The following METTL26 variants were observed in gnomAD, a reference collection of about 807,000 sequenced individuals.
METTL26 encodes methyltransferase-like 26.
Under a neutral mutation model 24.7 loss-of-function variants are expected in METTL26, and 28 were observed. That is an observed-to-expected ratio of 1.13 (90% confidence interval 0.84 to 1.55). The LOEUF (loss-of-function observed/expected upper bound fraction) is 1.55. Ranked by LOEUF, METTL26 falls within the 40% of genes most tolerant of loss-of-function variation. The probability of loss-of-function intolerance (pLI) is 0.00; values close to 1 mark genes in which losing one functional copy is unlikely to be tolerated. For synonymous variants in METTL26, 165 were observed against 125.2 expected (o/e 1.32, Z -2.12); for missense variants, 344 against 281.2 (o/e 1.22, Z -1.60).
chr16:635,249 G>A (rs1430523085), intron 3 of METTL26, 32 bp downstream of exon 3: 21 of 1,548,174 alleles, frequency 1.4e-5, no homozygotes, highest in Non-Finnish European at 1.8e-5. Flanking sequence ...AGGACTGGGA[G>A]CGGGAGGCCC....
Position 634,725 on chromosome 16 carries a change from C to T in METTL26, c.561G>A (p.Glu187=). 6.2e-7 allele frequency: 1 copy of T among 1,612,906 alleles called. No individual in the cohort carries two copies. Among genetic ancestry groups the T allele is most frequent in the Non-Finnish European group, 8.5e-7 (1 of 1,179,964 alleles). Residue 187 remains glutamate (E), a synonymous_variant, in exon 5 of 6, where the codon GAG becomes GAA. Coordinates refer to ENST00000301686, the MANE Select transcript of METTL26 (RefSeq NM_032366.5). ...CCCCCGCTCCCCCACCTACCATCCT[C>T]TCCAGGAGCAGGCCACTGGCCTTTC... ...DLGKASGLLL[E]RMVDMPANNK...
intron 2 of METTL26, 126 bp downstream of exon 2, chr16:635,486 C>T (rs913582528): frequency 6.8e-6 from 6 of 877,892 alleles, no homozygotes; most frequent in Non-Finnish European, 8.9e-6. Context: ...ACCCTCACCC[C>T]GACTGTGATG....
rs1410856930 is a variant in METTL26, at chr16:636,244, T to G, written c.47A>C (p.His16Pro). 6.7e-7 allele frequency: 1 copy of G among 1,490,080 alleles called. No homozygotes were observed. Among genetic ancestry groups the G allele is most frequent in the Admixed American group, 2.4e-5 (1 of 41,806 alleles). 92.3% of individuals were successfully genotyped at this position (1,490,080 alleles called of 1,614,324 possible). The change falls in exon 1 of 6, where the codon CAC (histidine) becomes CCC (proline). Residue 16 changes from histidine (H) to proline (P), a missense_variant. By Grantham distance (77) the His-to-Pro change is moderately conservative (BLOSUM62 -2). Transcript: ENST00000301686. ...AAERNKDPIL[H>P]VLRQYLDPAQ... ...CGGATCCAGGTACTGCCGCAGCACG[T>G]GCAAGATGGGATCCTTGTTCCGCTC...
At chr16:635,059 C>T (rs1204881691) in intron 3 of METTL26, 103 bp from the exon 4 acceptor site, 4 of 1,526,090 alleles carry the variant, frequency 2.6e-6, no homozygotes, top group African/African-American at 1.4e-5. Flanking sequence ...AAGGGCACCC[C>T]CTCCCTGTCC....
intron 1 of METTL26, 94 bp from the exon 2 acceptor site, chr16:635,868 G>A (rs1393195067): frequency 9.7e-6 from 14 of 1,437,196 alleles, no homozygotes; most frequent in Middle Eastern, 2.0e-4. Flanking sequence ...TGGGGGGCAC[G>A]TTGAGGAGCG....
At chr16:635,233 G>C in intron 3 of METTL26, 48 bp downstream of exon 3, 1 of 1,531,618 alleles carries the variant, frequency 6.5e-7, no homozygotes. Flanking sequence ...GCAGGAGACA[G>C]CAGCTAGGAC....
chr16:636,096 G>C lies in METTL26; in HGVS notation c.195C>G (p.Asp65Glu). ...QPSDVDQRCLDSIAATTQAQG... is the reference protein window; with the variant it reads ...QPSDVDQRCLESIAATTQAQG... ...AGTGGCCGCCCCGGGGGCCGCACCT[G>C]TCCAGGCAGCGCTGGTCCACGTCCG... Residue 65 changes from aspartate (D) to glutamate (E), a missense_variant and splice_region_variant, in exon 1 of 6, where the codon GAC (aspartate) becomes GAG (glutamate). Physicochemically the swap from Asp to Glu is conservative, Grantham distance 45. Transcript: ENST00000301686. The C allele has an allele frequency of 7.1e-7, 1 of 1,407,164 alleles. No individual in the cohort carries two copies. The highest frequency in any genetic ancestry group is 9.2e-7 in the Non-Finnish European group (1 of 1,088,372). The allele number at this position is 1,407,164 out of a possible 1,614,324, so 87.2% of individuals were successfully genotyped here. A position where few individuals can be genotyped will look rare whatever the true frequency, so the allele number is the denominator to read the frequency against.
At position 634,751 on chromosome 16, in the gene METTL26, C is replaced by T. The variant is rs1418470737; in HGVS notation, c.535G>A (p.Gly179Arg). ...TCCAGGAGCAGGCCACTGGCCTTTC[C>T]CAGGTCCTCCAGGAGGGCTGTGTCC... ...LRDTALLEDL[G>R]KASGLLLERM... Residue 179 changes from glycine (G) to arginine (R), a missense_variant, in exon 5 of 6, where the codon GGA becomes AGA. Coordinates refer to ENST00000301686, the MANE Select transcript of METTL26 (RefSeq NM_032366.5). 3 of 1,612,656 alleles carry T rather than the reference C, an allele frequency of 1.9e-6. No homozygotes were observed. The South Asian group carries it at 3.3e-5, about 18-fold the overall frequency.
Position 636,157 on chromosome 16 carries a change from A to G in METTL26, c.134T>C (p.Phe45Ser). 2 of 1,468,040 alleles carry G rather than the reference A, an allele frequency of 1.4e-6. No homozygotes were observed. The highest frequency in any genetic ancestry group is 9.0e-7 in the Non-Finnish European group (1 of 1,116,794). 90.9% of individuals were successfully genotyped at this position (1,468,040 alleles called of 1,614,324 possible). A position where few individuals can be genotyped will look rare whatever the true frequency, so the allele number is the denominator to read the frequency against. ...ASGSGQHAAH[F>S]ARAFPLAEWQ... ...CTCGGCCAGGGGGAAGGCCCGCGCG[A>G]AGTGCGCTGCGTGCTGGCCGGAGCC... The change falls in exon 1 of 6, where the codon TTC becomes TCC. Residue 45 changes from phenylalanine (F) to serine (S), a missense_variant. Physicochemically the swap from Phe to Ser is radical, Grantham distance 155. Coordinates refer to ENST00000301686, the MANE Select transcript of METTL26 (RefSeq NM_032366.5).
Position 636,089 on chromosome 16 carries a change from C to G in METTL26, c.197+5G>C. On this transcript the variant is annotated splice_donor_5th_base_variant and intron_variant, in intron 1 of 5. Coordinates refer to ENST00000301686, the MANE Select transcript of METTL26 (RefSeq NM_032366.5). Reference sequence around the variant, plus strand: ...CGATAGAAGTGGCCGCCCCGGGGGCCGCACCTGTCCAGGCAGCGCTGGTCC... The same window carrying G: ...CGATAGAAGTGGCCGCCCCGGGGGCGGCACCTGTCCAGGCAGCGCTGGTCC... The G allele has an allele frequency of 7.1e-7, 1 of 1,406,098 alleles. No individual in the cohort carries two copies. The highest frequency in any genetic ancestry group is 1.5e-5 in the South Asian group (1 of 64,570). 87.1% of individuals were successfully genotyped at this position (1,406,098 alleles called of 1,614,324 possible).
rs1393957446 is a variant in METTL26, at chr16:634,471, T to C, written c.*126A>G. ...CTTTATTCTGAGCAGGCTGGGCCCT[T>C]CGGCCAGCGGCTGAGAGCACAGACT... On this transcript the variant is annotated 3_prime_UTR_variant, in exon 6 of 6. Coordinates refer to ENST00000301686, the MANE Select transcript of METTL26 (RefSeq NM_032366.5). The C allele has an allele frequency of 2.6e-6, 4 of 1,567,432 alleles. No homozygotes were observed. The East Asian group carries it at 9.0e-5, about 35-fold the overall frequency.
Position 634,446 on chromosome 16 carries a change from C to G in METTL26, c.*151G>C. ...ACCAGCAAGCCGGCAGCAGGACATG[C>G]TTTATTCTGAGCAGGCTGGGCCCTT... is the stretch of plus-strand genomic sequence containing the variant. On this transcript the variant is annotated 3_prime_UTR_variant, in exon 6 of 6. Transcript: ENST00000301686. The G allele has an allele frequency of 1.4e-6, 2 of 1,463,756 alleles. No homozygotes were observed. The highest frequency in any genetic ancestry group is 1.4e-5 in the African/African-American group (1 of 71,998). The allele number at this position is 1,463,756 out of a possible 1,614,324, so 90.7% of individuals were successfully genotyped here.
chr16:636,165 T>G lies in METTL26; in HGVS notation c.126A>C (p.Ala42=), dbSNP rs1479093666. The stretch of plus-strand genomic sequence containing the variant: ...GGGGGAAGGCCCGCGCGAAGTGCGC[T>G]GCGTGCTGGCCGGAGCCCGAGGCCA... The part of the protein sequence containing the change: ...LEVASGSGQH[A]AHFARAFPLA... Residue 42 remains alanine, a synonymous_variant, in exon 1 of 6, where the codon GCA becomes GCC. Transcript: ENST00000301686. 8 of 1,478,180 alleles carry G rather than the reference T, an allele frequency of 5.4e-6. No homozygotes were observed. Among genetic ancestry groups the G allele is most frequent in the Non-Finnish European group, 7.1e-6 (8 of 1,122,498 alleles). The allele number at this position is 1,478,180 out of a possible 1,614,324, so 91.6% of individuals were successfully genotyped here.
chr16:635,107 G>T, intron 3 of METTL26, 151 bp from the exon 4 acceptor site: 1 of 1,501,054 alleles, frequency 6.7e-7, no homozygotes, highest in South Asian at 1.3e-5. Context: ...TGGTGGGCAA[G>T]GGGGTAGGGA....
chr16:635,765 G>A lies in METTL26; in HGVS notation c.207C>T (p.Ala69=). Residue 69 remains alanine, a synonymous_variant, in exon 2 of 6, where the codon GCC becomes GCT. Transcript: ENST00000301686. Reference sequence around the variant, plus strand: ...TGGTCAGGCCCTGGGCTTGCGTGGTGGCCGCGATGCTGCAGGAGGCGAACG... The same window carrying A: ...TGGTCAGGCCCTGGGCTTGCGTGGTAGCCGCGATGCTGCAGGAGGCGAACG... The part of the protein sequence containing the change: ...VDQRCLDSIA[A]TTQAQGLTNV... 6.4e-7 allele frequency: 1 copy of A among 1,567,844 alleles called. No homozygotes were observed. The highest frequency in any genetic ancestry group is 8.7e-7 in the Non-Finnish European group (1 of 1,153,954).
chr16:635,729 G>T lies in METTL26; in HGVS notation c.243C>A (p.Ala81=). The T allele has an allele frequency of 1.3e-6, 2 of 1,576,546 alleles. No homozygotes were observed. The highest frequency in any genetic ancestry group is 1.7e-6 in the Non-Finnish European group (2 of 1,162,506). The change falls in exon 2 of 6, where the codon GCC becomes GCA. Residue 81 remains alanine (A), a synonymous_variant. Coordinates refer to ENST00000301686, the MANE Select transcript of METTL26 (RefSeq NM_032366.5). ...CCCACGTCACGTCCAGGTGTAGCGG[G>T]GCCTTCACGTTGGTCAGGCCCTGGG... ...TQAQGLTNVK[A]PLHLDVTWGW...
chr16:634,885 T>A lies in METTL26; in HGVS notation c.488+4A>T. On this transcript the variant is annotated splice_donor_region_variant and intron_variant, in intron 4 of 5. Transcript: ENST00000301686. ...GAGCCAGACCCCCCGCCTCTAGCTCTGACCTGCATCTGAGCATCAGGTCAA... is the reference window on the plus strand; with the variant it reads ...GAGCCAGACCCCCCGCCTCTAGCTCAGACCTGCATCTGAGCATCAGGTCAA... 6.3e-7 allele frequency: 1 copy of A among 1,597,960 alleles called. No homozygotes were observed. Among genetic ancestry groups the A allele is most frequent in the Admixed American group, 1.7e-5 (1 of 57,500 alleles).
At chr16:635,933 CG>C in intron 1 of METTL26, 159 bp from the exon 2 acceptor site, 2 of 1,336,564 alleles carry the variant, frequency 1.5e-6, no homozygotes, top group Non-Finnish European at 9.9e-7. Context: ...TCCGCAGCCG[CG>C]GGGGCCGCAC....
Position 636,132 on chromosome 16 carries a change from C to T in METTL26, c.159G>A (p.Glu53=). The change falls in exon 1 of 6, where the codon GAG becomes GAA. Residue 53 remains glutamate, a synonymous_variant. Coordinates refer to ENST00000301686, the MANE Select transcript of METTL26 (RefSeq NM_032366.5). ...AHFARAFPLA[E]WQPSDVDQRC... ...GCTGGTCCACGTCCGACGGCTGCCA[C>T]TCGGCCAGGGGGAAGGCCCGCGCGA... 2.1e-6 allele frequency: 3 copies of T among 1,429,208 alleles called. No individual in the cohort carries two copies. The highest frequency in any genetic ancestry group is 2.7e-6 in the Non-Finnish European group (3 of 1,097,850). The allele number at this position is 1,429,208 out of a possible 1,614,324, so 88.5% of individuals were successfully genotyped here. A position where few individuals can be genotyped will look rare whatever the true frequency, so the allele number is the denominator to read the frequency against.
Sources: gnomAD v4.1 joint callset for allele counts on GRCh38, gnomAD v4.1.1 for gene constraint, MANE v1.5 for transcripts, NCBI Gene and HGNC (gene_info 2026-07-23, HGNC 2026-07-21) for gene names.